The following ASIC2 variants were observed in gnomAD, a reference collection of about 807,000 sequenced individuals.
ASIC2 encodes the protein acid-sensing ion channel 2.
A neutral mutation model predicts 57.3 loss-of-function variants in ASIC2; 25 were observed. The observed-to-expected ratio is 0.44, with a 90% CI of 0.32 to 0.61. The LOEUF (loss-of-function observed/expected upper bound fraction) is 0.61. ASIC2 is among the 20% of genes least tolerant of loss of function. ASIC2 has a pLI of 0.06. For synonymous variants in ASIC2, 319 were observed against 307.5 expected, an observed-to-expected ratio of 1.04 and a Z score of -0.39; for missense variants, 641 against 738.1, an observed-to-expected ratio of 0.87 and a Z score of 1.52.
At chr17:33,143,522 G>T (rs1159358831) in intron 1 of ASIC2, among the ~76,000 whole-genome samples, 1 of 152,122 alleles carries the variant, frequency 6.6e-6, no homozygotes, top group African/African-American at 2.4e-5. Context: ...ATTTTGGGAA[G>T]AATAGAAAAT....
chr17:33,294,628 C>A (rs148984447), upstream of ASIC2, among the ~76,000 whole-genome samples: 593 of 152,250 alleles, frequency 3.9e-3, 3 homozygotes, highest in African/African-American at 0.013. Context: ...CAAACACACA[C>A]ACACACTACA....
intron 1 of ASIC2, among the ~76,000 whole-genome samples, chr17:33,266,377 A>C (rs1909459717): frequency 6.6e-6 from 1 of 152,236 alleles, no homozygotes; most frequent in African/African-American, 2.4e-5. Flanking sequence ...AAAGAATGAA[A>C]ATGAAGTTCC....
At chr17:33,548,865 C>A (rs1004228829) in intron 1 of ASIC2, among the ~76,000 whole-genome samples, 2 of 152,090 alleles carry the variant, frequency 1.3e-5, no homozygotes, top group Non-Finnish European at 2.9e-5. Flanking sequence ...TATGGGACTT[C>A]TTCCCGTCAT....
chr17:33,503,052 C>T (rs1201085155), intron 1 of ASIC2, among the ~76,000 whole-genome samples: 1 of 152,174 alleles, frequency 6.6e-6, no homozygotes, highest in Non-Finnish European at 1.5e-5. Context: ...CTCAGCAAGT[C>T]CTGATGCCTC....
At chr17:33,344,928 C>A (rs1203738453) in intron 1 of ASIC2, among the ~76,000 whole-genome samples, 1 of 142,424 alleles carries the variant, frequency 7.0e-6, no homozygotes, top group Non-Finnish European at 1.5e-5. Flanking sequence ...GCAACAAAAC[C>A]TTGGTTTTTT....
rs564665514 is a variant in ASIC2 at position 33,545,649 on chromosome 17, A to AT, written c.556-433583dup. Among the ~76,000 whole-genome samples, 15 of 152,040 alleles carry AT rather than the reference A, an allele frequency of 9.9e-5. No homozygotes were observed. In the East Asian group the frequency reaches 2.9e-3, roughly 29 times the overall value. On this transcript the variant is annotated intron_variant, in intron 1 of 9. Transcript: ENST00000359872. ...AATGCCCATTCTCTTTACCATAGCTATTGCAAAAACCTCCTCACTTCTCTA... is the reference window on the plus strand; with the variant it reads ...AATGCCCATTCTCTTTACCATAGCTATTTGCAAAAACCTCCTCACTTCTCTA...
At chr17:33,189,204 C>T (rs541582803) in intron 1 of ASIC2, among the ~76,000 whole-genome samples, 61 of 152,224 alleles carry the variant, frequency 4.0e-4, no homozygotes, top group African/African-American at 1.4e-3. Flanking sequence ...AAACACTCTG[C>T]AATACACAAG....
At chr17:33,263,474 G>C (rs1909355426) in intron 1 of ASIC2, among the ~76,000 whole-genome samples, 1 of 152,202 alleles carries the variant, frequency 6.6e-6, no homozygotes, top group Non-Finnish European at 1.5e-5. Flanking sequence ...AGCTGGTGCT[G>C]AGCAGGGGAG....
At chr17:34,033,079 C>A (rs1042717119) in intron 1 of ASIC2, among the ~76,000 whole-genome samples, 2 of 152,142 alleles carry the variant, frequency 1.3e-5, no homozygotes, top group African/African-American at 4.8e-5. Context: ...CAGTACCACA[C>A]CACACCTATT....
At chr17:33,699,944 A>C (rs534278619) in intron 1 of ASIC2, among the ~76,000 whole-genome samples, 1 of 152,318 alleles carries the variant, frequency 6.6e-6, no homozygotes, top group South Asian at 2.1e-4. Flanking sequence ...AGACTTCTGG[A>C]TAAAGTATCG....
chr17:33,342,306 G>A (rs940768719), intron 1 of ASIC2, among the ~76,000 whole-genome samples: 12 of 151,236 alleles, frequency 7.9e-5, no homozygotes, highest in African/African-American at 2.7e-4. Flanking sequence ...GTGGAGAGTC[G>A]AGTGTGTGTG....
intron 1 of ASIC2, among the ~76,000 whole-genome samples, chr17:33,764,760 C>T (rs1910886275): frequency 6.6e-6 from 1 of 152,220 alleles, no homozygotes. Flanking sequence ...TCTGTCAATA[C>T]TGCCACACTG....
intron 1 of ASIC2, among the ~76,000 whole-genome samples, chr17:33,416,047 A>G (rs770122394): frequency 6.6e-6 from 1 of 152,210 alleles, no homozygotes; most frequent in Non-Finnish European, 1.5e-5. Context: ...CTCTGGGCTC[A>G]GTGCTCATTT....
upstream of ASIC2, among the ~76,000 whole-genome samples, chr17:33,294,870 G>C (rs1905661127): frequency 6.6e-6 from 1 of 152,152 alleles, no homozygotes; most frequent in Admixed American, 6.5e-5. Context: ...CTGGCTTTGA[G>C]GGGAGGGTTC....
intron 1 of ASIC2, among the ~76,000 whole-genome samples, chr17:33,661,269 A>C (rs891403963): frequency 6.6e-6 from 1 of 152,226 alleles, no homozygotes; most frequent in Non-Finnish European, 1.5e-5. Flanking sequence ...AGAAACCCGA[A>C]GCTCAGAAAA....
intron 1 of ASIC2, among the ~76,000 whole-genome samples, chr17:33,484,575 G>A (rs1364817601): frequency 1.3e-5 from 2 of 152,244 alleles, no homozygotes; most frequent in East Asian, 3.9e-4. Flanking sequence ...AATTTACTGA[G>A]ATATTGTACA....
At chr17:33,178,998 T>C (rs1198409061) in intron 1 of ASIC2, among the ~76,000 whole-genome samples, 1 of 152,184 alleles carries the variant, frequency 6.6e-6, no homozygotes, top group African/African-American at 2.4e-5. Context: ...TCCAAGTGCA[T>C]GAGAAATGGA....
intron 1 of ASIC2, among the ~76,000 whole-genome samples, chr17:33,460,897 C>T (rs747357852): frequency 9.8e-5 from 15 of 152,350 alleles, no homozygotes; most frequent in Middle Eastern, 3.4e-3. Flanking sequence ...TACAACTCTA[C>T]GATTTCCAGA....
chr17:33,882,228 A>C (rs1914717902), intron 1 of ASIC2, among the ~76,000 whole-genome samples: 1 of 152,238 alleles, frequency 6.6e-6, no homozygotes, highest in African/African-American at 2.4e-5. Flanking sequence ...AAACACCAAA[A>C]GCAATGGCAA....
Sources: allele counts gnomAD v4.1 joint callset (sites outside exome capture counted in the v4.1 genomes callset), GRCh38; gene constraint gnomAD v4.1.1; transcripts MANE v1.5; gene names NCBI Gene and HGNC (gene_info 2026-07-23, HGNC 2026-07-21).